Variants in DLGAP2 observed in about 807,000 individuals in gnomAD.
The protein encoded by DLGAP2 is DLG associated protein 2.
DLGAP2 carries 26 observed loss-of-function variants against 100.3 expected under a neutral mutation model. That is an observed-to-expected ratio of 0.26 (90% confidence interval 0.19 to 0.36). The LOEUF (loss-of-function observed/expected upper bound fraction) is 0.36. DLGAP2 is among the 10% of genes least tolerant of loss of function. DLGAP2 has a pLI of 1.00. For missense variants in DLGAP2, 1,858 were observed against 1,453.2 expected, an observed-to-expected ratio of 1.28 and a Z score of -4.53; for synonymous variants, 886 against 630.1, an observed-to-expected ratio of 1.41 and a Z score of -6.08.
At chr8:786,631 C>T (rs1461674751) in intron 1 of DLGAP2, among the ~76,000 whole-genome samples, 1 of 151,948 alleles carries the variant, frequency 6.6e-6, no homozygotes, top group East Asian at 1.9e-4. Flanking sequence ...GAGAGACGGG[C>T]GCTGCCTCGG....
chr8:1,558,399 C>T (rs982880381), intron 5 of DLGAP2, among the ~76,000 whole-genome samples: 1 of 152,168 alleles, frequency 6.6e-6, no homozygotes, highest in African/African-American at 2.4e-5. Flanking sequence ...GCCTGGGGGA[C>T]ACACCTATGG....
intron 3 of DLGAP2, among the ~76,000 whole-genome samples, chr8:1,481,471 C>CTTTTTTTTTTTTTTTTT (rs1165790168): frequency 6.9e-5 from 3 of 43,668 alleles, no homozygotes; most frequent in East Asian, 9.3e-4. Flanking sequence ...TTTTCTTTTT[C>CTTTTTTTTTTTTTTTTT]TTTTTTTTTT....
At chr8:1,049,701 A>G (rs1261321652) in intron 2 of DLGAP2, among the ~76,000 whole-genome samples, 1 of 152,054 alleles carries the variant, frequency 6.6e-6, no homozygotes. Flanking sequence ...ATGCGTGGAT[A>G]CAGACACAGG....
At chr8:1,193,925 G>A (rs949629684) in intron 2 of DLGAP2, among the ~76,000 whole-genome samples, 2 of 152,132 alleles carry the variant, frequency 1.3e-5, no homozygotes, top group African/African-American at 4.8e-5. Flanking sequence ...CTGGAGGGAC[G>A]TTTTCGTTCT....
intron 3 of DLGAP2, among the ~76,000 whole-genome samples, chr8:1,324,703 T>C (rs1800981253): frequency 6.6e-6 from 1 of 152,214 alleles, no homozygotes; most frequent in Non-Finnish European, 1.5e-5. Context: ...ATTTCACAAT[T>C]CCTTAACTGT....
At chr8:1,614,675 A>G (rs1015802170) in intron 6 of DLGAP2, among the ~76,000 whole-genome samples, 3 of 152,248 alleles carry the variant, frequency 2.0e-5, no homozygotes, top group Non-Finnish European at 2.9e-5. Flanking sequence ...CAGCAGCAGA[A>G]CTGATATGCA....
intron 2 of DLGAP2, among the ~76,000 whole-genome samples, chr8:1,076,300 C>T (rs1204191519): frequency 4.6e-5 from 7 of 152,214 alleles, no homozygotes; most frequent in South Asian, 2.1e-4. Flanking sequence ...GCCGGCTGTC[C>T]GCAGCTCACA....
Position 1,285,282 on chromosome 8 carries a change from C to T in DLGAP2, c.106+26399C>T, listed in dbSNP as rs367798127. 9.2e-5 allele frequency among the ~76,000 whole-genome samples: 14 copies of T among 152,130 alleles called. 2 individuals are homozygous for T. The highest frequency in any genetic ancestry group is 3.1e-4 in the African/African-American group (13 of 41,508). ...CAATATCTACCATATGAATTGTTTGCCATGATTCATTGTTAAAAAATAAAA... is the reference window on the plus strand; with the variant it reads ...CAATATCTACCATATGAATTGTTTGTCATGATTCATTGTTAAAAAATAAAA... On this transcript the variant is annotated intron_variant, in intron 3 of 14. Coordinates refer to ENST00000637795, the MANE Select transcript of DLGAP2 (RefSeq NM_001346810.2).
chr8:1,627,854 C>A (rs937945126), intron 7 of DLGAP2, among the ~76,000 whole-genome samples: 5 of 151,848 alleles, frequency 3.3e-5, no homozygotes, highest in African/African-American at 1.2e-4. Flanking sequence ...CTGAGCCGAC[C>A]TCACATTCTG....
At chr8:1,180,925 G>C (rs1339516708) in intron 2 of DLGAP2, among the ~76,000 whole-genome samples, 10 of 142,086 alleles carry the variant, frequency 7.0e-5, no homozygotes, top group African/African-American at 1.1e-4. Flanking sequence ...GGCTGTGCAA[G>C]GGCAGTACAC....
chr8:1,044,327 G>A (rs567303088), intron 2 of DLGAP2, among the ~76,000 whole-genome samples: 41 of 152,324 alleles, frequency 2.7e-4, no homozygotes, highest in East Asian at 1.4e-3. Context: ...AAACTCAGCC[G>A]TCTGTGAATT....
intron 2 of DLGAP2, among the ~76,000 whole-genome samples, chr8:1,026,373 G>A (rs1801800403): frequency 6.6e-6 from 1 of 152,140 alleles, no homozygotes; most frequent in Non-Finnish European, 1.5e-5. Context: ...CCACTTCACG[G>A]TTGGTGTTGT....
chr8:1,576,228 G>A (rs1277470055), intron 6 of DLGAP2, among the ~76,000 whole-genome samples: 1 of 152,164 alleles, frequency 6.6e-6, no homozygotes, highest in Non-Finnish European at 1.5e-5. Context: ...GTGATGATGA[G>A]CATTTTTTCA....
chr8:1,334,365 C>G (rs957744393), intron 3 of DLGAP2, among the ~76,000 whole-genome samples: 3 of 152,150 alleles, frequency 2.0e-5, no homozygotes, highest in Admixed American at 2.0e-4. Context: ...GTCACCAACC[C>G]AAAAATGACA....
chr8:739,068 G>C (rs1298188478), intron 1 of DLGAP2: 1 of 155,000 alleles, frequency 6.5e-6, no homozygotes, highest in Non-Finnish European at 1.4e-5. Flanking sequence ...ACTTGTCGGC[G>C]GCCCCGGTCT....
intron 2 of DLGAP2, among the ~76,000 whole-genome samples, chr8:997,318 C>T (rs1430688118): frequency 6.6e-6 from 1 of 152,128 alleles, no homozygotes; most frequent in African/African-American, 2.4e-5. Flanking sequence ...TTCAAAAATG[C>T]TATTTAAATA....
rs889507962 is a variant in DLGAP2, at chr8:1,565,972, G to A, written c.1442+78G>A. ...GCTCCCTCTCCAAAACCACTTCACC[G>A]TGAGCTGAGTGCCATCCATTTAAAC... On this transcript the variant is annotated intron_variant, in intron 6 of 14. Transcript: ENST00000637795. The A allele has an allele frequency of 2.5e-5, 31 of 1,241,560 alleles. 1 individual carries two copies. Among genetic ancestry groups the A allele is most frequent in the East Asian group, 1.8e-4 (7 of 37,850 alleles). 76.9% of individuals were successfully genotyped at this position (1,241,560 alleles called of 1,614,324 possible).
chr8:1,480,379 A>T (rs906753907), intron 3 of DLGAP2, among the ~76,000 whole-genome samples: 1 of 152,122 alleles, frequency 6.6e-6, no homozygotes, highest in African/African-American at 2.4e-5. Context: ...CCTAATACTC[A>T]GGGTCATGTT....
intron 2 of DLGAP2, among the ~76,000 whole-genome samples, chr8:1,173,707 G>A (rs547720550): frequency 3.3e-5 from 5 of 152,318 alleles, no homozygotes; most frequent in South Asian, 4.1e-4. Flanking sequence ...TAATCTCCTG[G>A]TGCGCCATTT....
Sources: gnomAD v4.1 joint callset for allele counts (sites outside exome capture counted in the v4.1 genomes callset) on GRCh38, gnomAD v4.1.1 for gene constraint, MANE v1.5 for transcripts, NCBI Gene and HGNC (gene_info 2026-07-23, HGNC 2026-07-21) for gene names.